Variants in DIS3L2 observed in about 807,000 individuals in gnomAD.
The protein encoded by DIS3L2 is DIS3-like exonuclease 2.
DIS3L2 carries 34 observed loss-of-function variants against 97.5 expected under a neutral mutation model. The ratio of observed to expected loss-of-function variants is 0.35; its 90% CI spans 0.27 to 0.46. The LOEUF (loss-of-function observed/expected upper bound fraction) is 0.46. DIS3L2 is among the 20% of genes least tolerant of loss of function. The pLI, the probability that DIS3L2 is intolerant of heterozygous loss-of-function variation, is 1.00. For synonymous variants in DIS3L2, 435 were observed against 445.2 expected (o/e 0.98, Z 0.29); for missense variants, 1,038 against 1,146.0 (o/e 0.91, Z 1.36).
At chr2:232,284,726 C>T (rs1300808253) in intron 13 of DIS3L2, among the ~76,000 whole-genome samples, 5 of 152,162 alleles carry the variant, frequency 3.3e-5, no homozygotes, top group Admixed American at 6.5e-5. Flanking sequence ...GTGCATCCAT[C>T]GTTCAGATCC....
In DIS3L2 at chr2:232,223,100, C is replaced by T. The variant is rs1692548677; in HGVS notation, c.1204+12695C>T. Reference sequence around the variant, plus strand: ...CGAATTTGGACTGTTGTGTGTTCATCAGCTTCCAGCTCTACTGATTGGTTC... The same window carrying T: ...CGAATTTGGACTGTTGTGTGTTCATTAGCTTCCAGCTCTACTGATTGGTTC... On this transcript the variant is annotated intron_variant, in intron 10 of 20. Coordinates refer to ENST00000325385, the MANE Select transcript of DIS3L2 (RefSeq NM_152383.5). Among the ~76,000 whole-genome samples the T allele has an allele frequency of 2.0e-5, 3 of 152,192 alleles. 1 individual carries two copies. The highest frequency in any genetic ancestry group is 2.0e-4 in the Admixed American group (3 of 15,276).
intron 9 of DIS3L2, among the ~76,000 whole-genome samples, chr2:232,206,326 C>G (rs1266483290): frequency 1.3e-5 from 2 of 152,128 alleles, no homozygotes; most frequent in Middle Eastern, 3.2e-3. Flanking sequence ...CATTCAGAAA[C>G]GTTGATCTAA....
At chr2:232,326,997 C>T (rs996596186) in intron 14 of DIS3L2, among the ~76,000 whole-genome samples, 4 of 152,190 alleles carry the variant, frequency 2.6e-5, no homozygotes, top group Admixed American at 1.3e-4. Context: ...GCTTCCACAG[C>T]GGCCCCACCC....
At chr2:232,303,663 G>A (rs1559202116) in intron 14 of DIS3L2, among the ~76,000 whole-genome samples, 1 of 152,170 alleles carries the variant, frequency 6.6e-6, no homozygotes, top group Admixed American at 6.5e-5. Context: ...CCTTTCAAAT[G>A]GAATGGCCCG....
intron 1 of DIS3L2, among the ~76,000 whole-genome samples, chr2:232,006,395 T>G (rs1694054306): frequency 6.6e-6 from 1 of 152,202 alleles, no homozygotes; most frequent in Non-Finnish European, 1.5e-5. Context: ...GGACTCATTT[T>G]GAAGGTAGAA....
chr2:231,989,624 A>C (rs1278150886), intron 1 of DIS3L2, among the ~76,000 whole-genome samples: 2 of 152,118 alleles, frequency 1.3e-5, no homozygotes, highest in African/African-American at 4.8e-5. Flanking sequence ...GCTTGAGCCC[A>C]GGAGTTTGAG....
At chr2:232,085,961 C>A (rs924465699) in intron 5 of DIS3L2, among the ~76,000 whole-genome samples, 1 of 152,058 alleles carries the variant, frequency 6.6e-6, no homozygotes, top group African/African-American at 2.4e-5. Context: ...CGCCCTGCCC[C>A]CCAACTATGC....
intron 1 of DIS3L2, among the ~76,000 whole-genome samples, chr2:231,997,681 G>A (rs1021569337): frequency 1.3e-5 from 2 of 152,120 alleles, no homozygotes; most frequent in African/African-American, 2.4e-5. Context: ...ATTTCAGACC[G>A]ATAAAAGAGA....
intron 5 of DIS3L2, among the ~76,000 whole-genome samples, chr2:232,083,291 C>A (rs1167340303): frequency 7.8e-6 from 1 of 127,760 alleles, no homozygotes; most frequent in African/African-American, 2.9e-5. Flanking sequence ...CCCCCCCCCC[C>A]CCCCACATAT....
intron 8 of DIS3L2, among the ~76,000 whole-genome samples, chr2:232,155,946 C>T (rs3103292): frequency 0.78 from 118,370 of 151,544 alleles, 46,811 homozygotes; most frequent in African/African-American, 0.89. Context: ...GCTGAGATCG[C>T]GCCCCTGCAC....
intron 14 of DIS3L2, among the ~76,000 whole-genome samples, chr2:232,314,125 C>T (rs2106333149): frequency 6.6e-6 from 1 of 152,338 alleles, no homozygotes; most frequent in East Asian, 1.9e-4. Flanking sequence ...TCTGGGCCTG[C>T]CTGTGGCCCT....
intron 9 of DIS3L2, among the ~76,000 whole-genome samples, chr2:232,192,014 T>C (rs1028761650): frequency 1.3e-5 from 2 of 152,200 alleles, no homozygotes; most frequent in Admixed American, 6.5e-5. Flanking sequence ...TAGTGTTTGT[T>C]ATATACCAGG....
chr2:232,072,650 G>A (rs930974388), intron 5 of DIS3L2, among the ~76,000 whole-genome samples: 1 of 152,114 alleles, frequency 6.6e-6, no homozygotes, highest in African/African-American at 2.4e-5. Flanking sequence ...TAGACTGAAA[G>A]GAGGCAAGGG....
rs149833707 is a variant in DIS3L2 at position 232,190,644 on chromosome 2, GAGAA to G, written c.1125-19673_1125-19670del. ...AGGAAGAAAGAAAGAGAAAGAAAGA[GAGAA>G]AGAAAGAAGGCAGGCCTGGCATTCA... On this transcript the variant is annotated intron_variant, in intron 9 of 20. Transcript: ENST00000325385. Among the ~76,000 whole-genome samples, 833 of 152,106 alleles carry G rather than the reference GAGAA, an allele frequency of 5.5e-3. 3 individuals carry two copies. The highest frequency in any genetic ancestry group is 9.5e-3 in the African/African-American group (392 of 41,472).
chr2:232,270,862 C>CTCTCTCTCTCTCTCTCTCTT (rs1559185082), intron 13 of DIS3L2, among the ~76,000 whole-genome samples: 3 of 14,616 alleles, frequency 2.1e-4, no homozygotes, highest in African/African-American at 7.9e-4. Flanking sequence ...TTTTTCTCGT[C>CTCTCTCTCTCTCTCTCTCTT]TCTCTCTCTC....
At chr2:232,305,956 G>GA (rs35105470) in intron 14 of DIS3L2, among the ~76,000 whole-genome samples, 1,736 of 136,326 alleles carry the variant, frequency 0.013, 21 homozygotes, top group African/African-American at 0.029. Context: ...CCCCATCTCA[G>GA]AAAAAAAAAA....
chr2:232,042,236 AT>A (rs1695128431), intron 5 of DIS3L2, among the ~76,000 whole-genome samples: 1 of 152,116 alleles, frequency 6.6e-6, no homozygotes, highest in African/African-American at 2.4e-5. Flanking sequence ...GTCACATGAA[AT>A]TGGTCTAGTA....
At chr2:231,981,598 T>TTATA (rs10669283) in intron 1 of DIS3L2, among the ~76,000 whole-genome samples, 11,225 of 83,634 alleles carry the variant, frequency 0.13, 872 homozygotes, top group East Asian at 0.19. Context: ...GTTAAGTATT[T>TTATA]TATATATATA....
intron 6 of DIS3L2, among the ~76,000 whole-genome samples, chr2:232,106,587 A>T (rs766167277): frequency 5.9e-5 from 9 of 152,234 alleles, no homozygotes; most frequent in Non-Finnish European, 1.2e-4. Flanking sequence ...CCAATACAGG[A>T]GCACCCAGAT....
Sources: allele counts gnomAD v4.1 joint callset (sites outside exome capture counted in the v4.1 genomes callset), GRCh38; gene constraint gnomAD v4.1.1; transcripts MANE v1.5; gene names NCBI Gene and HGNC (gene_info 2026-07-23, HGNC 2026-07-21).